The following ZNF451 variants were observed in gnomAD, a reference collection of about 807,000 sequenced individuals.
The protein encoded by ZNF451 is zinc finger protein 451, also known as E3 SUMO-protein ligase ZNF451.
ZNF451 carries 80 observed loss-of-function variants against 107.1 expected under a neutral mutation model. That is an observed-to-expected ratio of 0.75 (90% CI 0.62 to 0.90). The LOEUF (loss-of-function observed/expected upper bound fraction) is 0.90. ZNF451 is among the 40% of genes least tolerant of loss of function. The pLI is 0.00. For synonymous variants in ZNF451, 362 were observed against 406.5 expected, an observed-to-expected ratio of 0.89 and a Z score of 1.32; for missense variants, 1,107 against 1,236.2, an observed-to-expected ratio of 0.90 and a Z score of 1.57.
rs936171043 is a variant in ZNF451 at position 57,103,944 on chromosome 6, T to G, written c.186+4803T>G. 100 of 985,386 alleles carry G rather than the reference T, an allele frequency of 1.0e-4. No homozygotes were observed. The African/African-American group carries it at 1.6e-3, about 16-fold the overall frequency. 61.0% of individuals were successfully genotyped at this position (985,386 alleles called of 1,614,324 possible). Reference sequence around the variant, plus strand: ...GGTTGATGGCGTAAATTTTCCTACTTGGAAGAAATTACTTTATCAGTTAAT... The same window carrying G: ...GGTTGATGGCGTAAATTTTCCTACTGGGAAGAAATTACTTTATCAGTTAAT... On this transcript the variant is annotated intron_variant, in intron 3 of 14. Coordinates refer to ENST00000370706, the MANE Select transcript of ZNF451 (RefSeq NM_001031623.3).
chr6:57,136,538 A>G (rs1159841024), intron 7 of ZNF451, among the ~76,000 whole-genome samples: 1 of 152,156 alleles, frequency 6.6e-6, no homozygotes, highest in Non-Finnish European at 1.5e-5. Flanking sequence ...GAAAGAAATG[A>G]TAGGGTTATC....
In ZNF451 at chr6:57,133,262, A is replaced by G. The variant is rs1831269777; in HGVS notation, c.575+70A>G. ...CTACCAAGTGATTTCATAAAATGAA[A>G]GCGTAATGCTCCTTTGCCATTATGA... On this transcript the variant is annotated intron_variant, in intron 6 of 14. Coordinates refer to ENST00000370706, the MANE Select transcript of ZNF451 (RefSeq NM_001031623.3). 14 of 1,441,728 alleles carry G rather than the reference A, an allele frequency of 9.7e-6. No individual in the cohort carries two copies. In the South Asian group the frequency reaches 1.8e-4, roughly 18 times the overall value. 89.3% of individuals were successfully genotyped at this position (1,441,728 alleles called of 1,614,324 possible).
At chr6:57,159,656 G>A (rs78634327) in intron 13 of ZNF451, among the ~76,000 whole-genome samples, 1,845 of 151,548 alleles carry the variant, frequency 0.012, 19 homozygotes, top group South Asian at 0.029. Flanking sequence ...GGACACCCCT[G>A]GTTTAGAGGT....
chr6:57,135,917 C>G (rs1056427941), intron 7 of ZNF451, among the ~76,000 whole-genome samples: 4 of 152,138 alleles, frequency 2.6e-5, no homozygotes, highest in Admixed American at 6.5e-5. Flanking sequence ...TTGCTTCTAT[C>G]TAGAGCTATA....
At chr6:57,143,177 C>T (rs936672075) in intron 9 of ZNF451, among the ~76,000 whole-genome samples, 3 of 151,946 alleles carry the variant, frequency 2.0e-5, no homozygotes, top group Admixed American at 6.6e-5. Flanking sequence ...TTTAATTATA[C>T]CTTTTGATGA....
At chr6:57,154,783 T>A (rs1763330732) in intron 13 of ZNF451, among the ~76,000 whole-genome samples, 1 of 152,224 alleles carries the variant, frequency 6.6e-6, no homozygotes, top group Non-Finnish European at 1.5e-5. Flanking sequence ...ATAATTTAAA[T>A]TCATGAATAA....
At chr6:57,158,903 C>G in intron 13 of ZNF451, 1 of 985,432 alleles carries the variant, frequency 1.0e-6, no homozygotes, top group Non-Finnish European at 1.2e-6. Flanking sequence ...ACCAATTACA[C>G]AGATTTTTAA....
At chr6:57,100,554 A>C in intron 3 of ZNF451, 1 of 1,446,820 alleles carries the variant, frequency 6.9e-7, no homozygotes, top group Non-Finnish European at 9.1e-7. Flanking sequence ...ACATATTAAA[A>C]GCATATTTTT....
At chr6:57,140,684 A>C (rs1012405578) in intron 7 of ZNF451, among the ~76,000 whole-genome samples, 4 of 152,164 alleles carry the variant, frequency 2.6e-5, no homozygotes, top group Admixed American at 2.6e-4. Flanking sequence ...AAAGAAAAAA[A>C]CTGAAAATAA....
intron 14 of ZNF451, 37 bp from the exon 15 acceptor site, chr6:57,168,386 T>C (rs1763994781): frequency 1.4e-6 from 2 of 1,468,190 alleles, no homozygotes; most frequent in African/African-American, 1.4e-5. Flanking sequence ...TTGAGTTTTC[T>C]GCCCTAAGTG....
chr6:57,147,824 A>C lies in ZNF451; in HGVS notation c.1739A>C (p.Asn580Thr). 1 of 1,614,116 alleles carries C rather than the reference A, an allele frequency of 6.2e-7. No individual in the cohort carries two copies. Among genetic ancestry groups the C allele is most frequent in the South Asian group, 1.1e-5 (1 of 91,086 alleles). Residue 580 changes from asparagine (N) to threonine (T), a missense_variant, in exon 10 of 15, where the codon AAT becomes ACT. By Grantham distance (65) the Asn-to-Thr change is moderately conservative (BLOSUM62 0). Transcript: ENST00000370706. ...CCATCATCCTCTACAACATTGGATA[A>C]TTTGACTGCTAACAAGCCTTCATCA... ...TLPSSSTTLD[N>T]LTANKPSSAI... is the part of the protein sequence containing the mutation.
intron 3 of ZNF451, among the ~76,000 whole-genome samples, chr6:57,112,160 A>G (rs1830146477): frequency 6.6e-6 from 1 of 152,228 alleles, no homozygotes; most frequent in African/African-American, 2.4e-5. Flanking sequence ...TTTGAGTTAT[A>G]TAAGTTGAGT....
chr6:57,150,552 A>G lies in ZNF451; in HGVS notation c.2609-167A>G, dbSNP rs575277881. The G allele has an allele frequency of 1.6e-4, 84 of 537,956 alleles. 2 individuals are homozygous for G. In the South Asian group the frequency reaches 3.3e-3, roughly 21 times the overall value. The allele number at this position is 537,956 out of a possible 1,614,324, so 33.3% of individuals were successfully genotyped here. A position where few individuals can be genotyped will look rare whatever the true frequency, so the allele number is the denominator to read the frequency against. On this transcript the variant is annotated intron_variant, in intron 10 of 14. Transcript: ENST00000370706. ...TTATTTTTATCTGATTTAAGTGTAA[A>G]TGGTGTCATGTACAGATTTGGATTT...
chr6:57,133,292 A>G, intron 6 of ZNF451, 100 bp downstream of exon 6: 1 of 1,151,558 alleles, frequency 8.7e-7, no homozygotes, highest in South Asian at 1.9e-5. Context: ...TTATGATTAT[A>G]TAGCTTTATA....
In ZNF451 at chr6:57,133,033, A is replaced by T; in HGVS notation, c.425-9A>T. The stretch of plus-strand genomic sequence containing the variant: ...TAATAACCTAAGAATTCATATTCTG[A>T]TGATGCAGGACTCAAAACAGGCACA... On this transcript the variant is annotated splice_polypyrimidine_tract_variant and intron_variant, in intron 5 of 14. Coordinates refer to ENST00000370706, the MANE Select transcript of ZNF451 (RefSeq NM_001031623.3). 1 of 1,613,828 alleles carries T rather than the reference A, an allele frequency of 6.2e-7. No homozygotes were observed. The highest frequency in any genetic ancestry group is 8.5e-7 in the Non-Finnish European group (1 of 1,179,850).
At chr6:57,153,698 C>T (rs1247004804) in intron 12 of ZNF451, among the ~76,000 whole-genome samples, 163 bp from the exon 13 acceptor site, 2 of 152,206 alleles carry the variant, frequency 1.3e-5, no homozygotes, top group Non-Finnish European at 2.9e-5. Flanking sequence ...CAGGCGTGAG[C>T]CACTGCACCC....
chr6:57,096,568 A>G (rs1441605854), intron 2 of ZNF451, among the ~76,000 whole-genome samples: 3 of 114,400 alleles, frequency 2.6e-5, no homozygotes, highest in South Asian at 3.1e-4. Flanking sequence ...CTTTCTGTGC[A>G]TGGGAACTCT....
intron 2 of ZNF451, among the ~76,000 whole-genome samples, chr6:57,097,616 G>A (rs1024557317): frequency 3.9e-5 from 6 of 152,104 alleles, no homozygotes; most frequent in Admixed American, 2.6e-4. Flanking sequence ...TATTGTTGCC[G>A]TGTTTCTGGC....
intron 5 of ZNF451, among the ~76,000 whole-genome samples, chr6:57,131,333 T>C (rs1046834637): frequency 3.9e-5 from 6 of 152,178 alleles, no homozygotes; most frequent in Admixed American, 1.3e-4. Flanking sequence ...TCTCTGTATT[T>C]TGCCTTTCCA....
Sources: gnomAD v4.1 joint callset for allele counts (sites outside exome capture counted in the v4.1 genomes callset) on GRCh38, gnomAD v4.1.1 for gene constraint, MANE v1.5 for transcripts, NCBI Gene and HGNC (gene_info 2026-07-23, HGNC 2026-07-21) for gene names.